Variants in KATNA1 observed in about 807,000 individuals in gnomAD.
The protein encoded by KATNA1 is katanin p60 ATPase-containing subunit A1.
In KATNA1, 42 loss-of-function variants were observed where a neutral mutation model predicts 62.6. The ratio of observed to expected loss-of-function variants is 0.67; its 90% CI spans 0.52 to 0.87. The LOEUF is 0.87. Ranked by LOEUF, KATNA1 falls within the 40% of genes least tolerant of loss-of-function variation. The pLI, the probability that KATNA1 is intolerant of heterozygous loss-of-function variation, is 0.00. For synonymous variants in KATNA1, 186 were observed against 201.9 expected, an observed-to-expected ratio of 0.92 and a Z score of 0.67; for missense variants, 498 against 612.5, an observed-to-expected ratio of 0.81 and a Z score of 1.97.
chr6:149,612,611 G>A (rs1486923963), intron 4 of KATNA1, among the ~76,000 whole-genome samples: 1 of 152,094 alleles, frequency 6.6e-6, no homozygotes, highest in Non-Finnish European at 1.5e-5. Flanking sequence ...ATATTACCCT[G>A]ATACTGAAAT....
At chr6:149,636,647 A>ATTTTTTTTATTACTTTCAT (rs1562300865) in intron 2 of KATNA1, among the ~76,000 whole-genome samples, 1 of 147,154 alleles carries the variant, frequency 6.8e-6, no homozygotes, top group East Asian at 2.0e-4. Flanking sequence ...TATTACTTTC[A>ATTTTTTTTATTACTTTCAT]TTTTTTTTTT....
Position 149,601,579 on chromosome 6 carries a change from GTC to G in KATNA1, c.888+13_888+14del. On this transcript the variant is annotated intron_variant, in intron 7 of 10. Coordinates refer to ENST00000367411, the MANE Select transcript of KATNA1 (RefSeq NM_007044.4). ...AGAGAGGTAAAGAATCATTAGAGCT[GTC>G]TCAAACATTCACCATTTCAAACAGA... is the stretch of plus-strand genomic sequence containing the variant. 2 of 1,591,878 alleles carry G rather than the reference GTC, an allele frequency of 1.3e-6. No individual in the cohort carries two copies. The highest frequency in any genetic ancestry group is 1.7e-6 in the Non-Finnish European group (2 of 1,169,424).
At chr6:149,597,703 CAGCTATTTAAA>C in intron 8 of KATNA1, 62 bp from the exon 9 acceptor site, 1 of 1,496,396 alleles carries the variant, frequency 6.7e-7, no homozygotes, top group Non-Finnish European at 9.2e-7. Context: ...AAATGAAGCT[CAGCTATTTAAA>C]GATCAACAAC....
chr6:149,629,525 G>A (rs1779754138), intron 3 of KATNA1, among the ~76,000 whole-genome samples: 1 of 152,102 alleles, frequency 6.6e-6, no homozygotes, highest in Non-Finnish European at 1.5e-5. Context: ...AGCCCAAGCA[G>A]ACTAATACAA....
chr6:149,633,273 AAT>A (rs1328776479), intron 2 of KATNA1, among the ~76,000 whole-genome samples: 1 of 151,614 alleles, frequency 6.6e-6, no homozygotes, highest in East Asian at 2.0e-4. Flanking sequence ...ACGCCTGGCT[AAT>A]TTTGTGTATT....
At chr6:149,613,073 G>A (rs1009777152) in intron 4 of KATNA1, among the ~76,000 whole-genome samples, 39 of 150,104 alleles carry the variant, frequency 2.6e-4, no homozygotes, top group African/African-American at 8.8e-4. Flanking sequence ...CCAGCTACTC[G>A]GGAGGCTGAG....
At chr6:149,597,717 TC>T in intron 8 of KATNA1, 76 bp from the exon 9 acceptor site, 1 of 1,380,064 alleles carries the variant, frequency 7.2e-7, no homozygotes, top group Non-Finnish European at 1.0e-6. Context: ...TATTTAAAGA[TC>T]AACAACTATT....
chr6:149,604,396 T>TGAC (rs1447032560), intron 5 of KATNA1, among the ~76,000 whole-genome samples: 1 of 152,098 alleles, frequency 6.6e-6, no homozygotes, highest in East Asian at 1.9e-4. Context: ...AGTCTAGGAG[T>TGAC]TTGAGCCTGC....
In KATNA1 at chr6:149,603,344, T is replaced by G. The variant is rs752584493; in HGVS notation, c.653A>C (p.Lys218Thr). The G allele has an allele frequency of 6.3e-7, 1 of 1,595,094 alleles. No homozygotes were observed. The highest frequency in any genetic ancestry group is 1.3e-5 in the African/African-American group (1 of 74,422). Residue 218 changes from lysine to threonine, a missense_variant, in exon 6 of 11, where the codon AAA becomes ACA. Transcript: ENST00000367411. ...WDDIADLVEA[K>T]KLLKEAVVLP... ...CACTACGGCTTCCTTAAGCAACTTT[T>G]TAGCTTCTACTAAATCAGCGATATC...
chr6:149,638,717 TAAA>T (rs145326017), intron 1 of KATNA1, 157 bp from the exon 2 acceptor site: 1 of 272,346 alleles, frequency 3.7e-6, no homozygotes, highest in Non-Finnish European at 6.5e-6. Context: ...TTCACTCCTT[TAAA>T]AAAAACATTG....
intron 4 of KATNA1, among the ~76,000 whole-genome samples, chr6:149,611,859 T>C (rs544744306): frequency 1.1e-3 from 170 of 151,310 alleles, no homozygotes; most frequent in Middle Eastern, 6.8e-3. Context: ...ATTAGCCGGG[T>C]GTGGTGGCGG....
chr6:149,632,811 G>A lies in KATNA1; in HGVS notation c.268C>T (p.Leu90Phe), dbSNP rs1186722695. 1 of 1,613,716 alleles carries A rather than the reference G, an allele frequency of 6.2e-7. No homozygotes were observed. The highest frequency in any genetic ancestry group is 8.5e-7 in the Non-Finnish European group (1 of 1,179,916). The stretch of plus-strand genomic sequence containing the variant: ...CAGACTTCTCCCTCAGAAGCTGGAA[G>A]GTCATGCTGTGCCGCTTTCAAGGGA... ...STPLKAAQHD[L>F]PASEGEVWSM... Residue 90 changes from leucine (L) to phenylalanine (F), a missense_variant, in exon 3 of 11, where the codon CTT becomes TTT. Leu to Phe is a conservative substitution (Grantham distance 22). Transcript: ENST00000367411.
In KATNA1 at chr6:149,623,300, T is replaced by C. The variant is rs1779480846; in HGVS notation, c.321-17A>G. Reference sequence around the variant, plus strand: ...GGTGAGGGTCTAATCAAACAAAAACTCATTAATATCATAATCAACTCCACA... The same window carrying C: ...GGTGAGGGTCTAATCAAACAAAAACCCATTAATATCATAATCAACTCCACA... On this transcript the variant is annotated splice_polypyrimidine_tract_variant and intron_variant, in intron 3 of 10. Coordinates refer to ENST00000367411, the MANE Select transcript of KATNA1 (RefSeq NM_007044.4). 6.4e-7 allele frequency: 1 copy of C among 1,554,740 alleles called. No individual in the cohort carries two copies.
chr6:149,628,543 C>T (rs554775383), intron 3 of KATNA1, among the ~76,000 whole-genome samples: 26 of 151,838 alleles, frequency 1.7e-4, no homozygotes, highest in African/African-American at 5.1e-4. Flanking sequence ...GACTCTCGGC[C>T]GGGAGCATAG....
At chr6:149,605,487 T>C (rs964279538) in intron 4 of KATNA1, among the ~76,000 whole-genome samples, 1 of 152,090 alleles carries the variant, frequency 6.6e-6, no homozygotes, top group African/African-American at 2.4e-5. Context: ...CCTAAAAATA[T>C]CCCTTTTCAT....
chr6:149,648,139 G>C (rs991157296), intron 1 of KATNA1, among the ~76,000 whole-genome samples: 1 of 152,094 alleles, frequency 6.6e-6, no homozygotes, highest in Non-Finnish European at 1.5e-5. Context: ...GTTTCGGGGT[G>C]GGGGGCGTGA....
At chr6:149,597,724 CTATT>C (rs1778382972) in intron 8 of KATNA1, 83 bp from the exon 9 acceptor site, 2 of 1,290,976 alleles carry the variant, frequency 1.5e-6, no homozygotes, top group South Asian at 1.3e-5. Context: ...AGATCAACAA[CTATT>C]TAGTACAACA....
chr6:149,646,669 C>T (rs952502365), intron 1 of KATNA1, among the ~76,000 whole-genome samples: 5 of 152,054 alleles, frequency 3.3e-5, no homozygotes, highest in African/African-American at 9.7e-5. Context: ...CACCAAAAAG[C>T]AACCTGTTCA....
At chr6:149,607,593 C>T (rs1385610738) in intron 4 of KATNA1, among the ~76,000 whole-genome samples, 1 of 152,158 alleles carries the variant, frequency 6.6e-6, no homozygotes, top group Non-Finnish European at 1.5e-5. Context: ...GCCTGGGCAA[C>T]AGAACAAGAC....
Sources: gnomAD v4.1 joint callset for allele counts (sites outside exome capture counted in the v4.1 genomes callset) on GRCh38, gnomAD v4.1.1 for gene constraint, MANE v1.5 for transcripts, NCBI Gene and HGNC (gene_info 2026-07-23, HGNC 2026-07-21) for gene names.